The following BRMS1L variants were observed in gnomAD, a reference collection of about 807,000 sequenced individuals.
BRMS1L encodes breast cancer metastasis-suppressor 1-like protein.
Under a neutral mutation model 50.3 loss-of-function variants are expected in BRMS1L, and 23 were observed. That is an observed-to-expected ratio of 0.46 (90% CI 0.33 to 0.65). The LOEUF is 0.65. BRMS1L is among the 30% of genes least tolerant of loss of function. The probability of loss-of-function intolerance (pLI) is 0.02; values close to 1 mark genes in which losing one functional copy is unlikely to be tolerated. For missense variants in BRMS1L, 286 were observed against 386.1 expected, an observed-to-expected ratio of 0.74 and a Z score of 2.17; for synonymous variants, 114 against 126.9, an observed-to-expected ratio of 0.90 and a Z score of 0.69.
chr14:35,847,801 G>A (rs1217148321), intron 4 of BRMS1L, among the ~76,000 whole-genome samples: 4 of 152,210 alleles, frequency 2.6e-5, no homozygotes, highest in Non-Finnish European at 5.9e-5. Context: ...CCTCACACAA[G>A]TGGTATCATC....
chr14:35,829,458 A>G (rs2077890332), intron 1 of BRMS1L, among the ~76,000 whole-genome samples: 1 of 152,248 alleles, frequency 6.6e-6, no homozygotes, highest in South Asian at 2.1e-4. Flanking sequence ...TTGAACTACA[A>G]GTCAAAATTT....
intron 4 of BRMS1L, among the ~76,000 whole-genome samples, chr14:35,852,884 T>C (rs1210979561): frequency 6.6e-6 from 1 of 151,994 alleles, no homozygotes; most frequent in Non-Finnish European, 1.5e-5. Flanking sequence ...TGAGCCGAGA[T>C]AGTGTCACTG....
chr14:35,848,828 T>G (rs946114687), intron 4 of BRMS1L, among the ~76,000 whole-genome samples: 5 of 152,194 alleles, frequency 3.3e-5, no homozygotes, highest in African/African-American at 9.6e-5. Context: ...TGTGTGTATA[T>G]ATATCAATTT....
At chr14:35,864,119 T>C (rs2078389547) in intron 6 of BRMS1L, among the ~76,000 whole-genome samples, 166 bp downstream of exon 6, 1 of 152,192 alleles carries the variant, frequency 6.6e-6, no homozygotes. Flanking sequence ...ATATAGTGTA[T>C]ACTTTAGGTC....
intron 4 of BRMS1L, among the ~76,000 whole-genome samples, chr14:35,848,673 A>AT (rs544034016): frequency 5.3e-5 from 8 of 151,866 alleles, no homozygotes; most frequent in African/African-American, 7.3e-5. Flanking sequence ...TATGAGTTTG[A>AT]TTTTTTTTAG....
At chr14:35,860,327 G>A (rs548791021) in intron 4 of BRMS1L, among the ~76,000 whole-genome samples, 13 of 151,830 alleles carry the variant, frequency 8.6e-5, no homozygotes, top group Admixed American at 2.6e-4. Context: ...AGTAGACAAC[G>A]AGGTTTCACC....
At chr14:35,827,520 C>T (rs2077860932) in intron 1 of BRMS1L, among the ~76,000 whole-genome samples, 1 of 152,144 alleles carries the variant, frequency 6.6e-6, no homozygotes, top group African/African-American at 2.4e-5. Context: ...TTGATGACAG[C>T]CTAGTATCAC....
In BRMS1L at chr14:35,870,451, G is replaced by A; in HGVS notation, c.946G>A (p.Gly316Arg). The A allele has an allele frequency of 1.2e-6, 2 of 1,602,350 alleles. No individual in the cohort carries two copies. The highest frequency in any genetic ancestry group is 1.7e-6 in the Non-Finnish European group (2 of 1,173,030). The stretch of plus-strand genomic sequence containing the variant: ...GCTTTACATTTCACAGCTACAGAAA[G>A]GAAAATATTCAATTAAACATTCATA... ...SKLYISQLQK[G>R]KYSIKHS The change falls in exon 10 of 10, where the codon GGA becomes AGA. Residue 316 changes from glycine (G) to arginine (R), a missense_variant. This residue lies in a region of BRMS1L where 7 missense variants were observed against 19.2 expected (regional missense o/e 0.37). Transcript: ENST00000216807.
chr14:35,831,573 C>T, intron 2 of BRMS1L, 73 bp downstream of exon 2: 1 of 1,078,744 alleles, frequency 9.3e-7, no homozygotes, highest in Non-Finnish European at 1.4e-6. Context: ...ACAAGAGCAA[C>T]TAGATTCAGT....
At position 35,870,341 on chromosome 14, in the gene BRMS1L, C is replaced by CTTTTT; in HGVS notation, c.855-13_855-9dup. On this transcript the variant is annotated intron_variant, in intron 9 of 9. Coordinates refer to ENST00000216807, the MANE Select transcript of BRMS1L (RefSeq NM_032352.4). ...AGACATTGTAATTCATTCATTCATT[C>CTTTTT]TTTTTTTTTTCTTTTTAGTGCTGTA... 5 of 1,278,062 alleles carry CTTTTT rather than the reference C, an allele frequency of 3.9e-6. No individual in the cohort carries two copies. Among genetic ancestry groups the CTTTTT allele is most frequent in the African/African-American group, 1.5e-5 (1 of 66,006 alleles). 79.2% of individuals were successfully genotyped at this position (1,278,062 alleles called of 1,614,324 possible). A position where few individuals can be genotyped will look rare whatever the true frequency, so the allele number is the denominator to read the frequency against.
intron 4 of BRMS1L, among the ~76,000 whole-genome samples, chr14:35,857,811 A>T (rs2142058044): frequency 6.6e-6 from 1 of 151,886 alleles, no homozygotes; most frequent in East Asian, 1.9e-4. Context: ...TAAACTTTGG[A>T]ATTAATAATT....
rs981410880 is a variant in BRMS1L, at chr14:35,863,755, A to G, written c.539-115A>G. The G allele has an allele frequency of 4.8e-6, 4 of 832,998 alleles. No individual in the cohort carries two copies. The Admixed American group carries it at 1.0e-4, about 22-fold the overall frequency. 51.6% of individuals were successfully genotyped at this position (832,998 alleles called of 1,614,324 possible). A position where few individuals can be genotyped will look rare whatever the true frequency, so the allele number is the denominator to read the frequency against. ...CTTAATCTATATATACCCAGCTGCC[A>G]ATGAAGTTTTTTACGTTTTTACATG... On this transcript the variant is annotated intron_variant, in intron 5 of 9. Coordinates refer to ENST00000216807, the MANE Select transcript of BRMS1L (RefSeq NM_032352.4).
rs2142069085 is a variant in BRMS1L, at chr14:35,871,719, C to A, written c.*1242C>A. On this transcript the variant is annotated 3_prime_UTR_variant, in exon 10 of 10. Coordinates refer to ENST00000216807, the MANE Select transcript of BRMS1L (RefSeq NM_032352.4). Reference sequence around the variant, plus strand: ...TTGTTTTCTTATTATTTTACCTCTCCAAACATCTTCCTGTGCAGATCACTA... The same window carrying A: ...TTGTTTTCTTATTATTTTACCTCTCAAAACATCTTCCTGTGCAGATCACTA... The A allele has an allele frequency of 6.5e-6, 1 of 152,750 alleles. No individual in the cohort carries two copies. The highest frequency in any genetic ancestry group is 1.5e-5 in the Non-Finnish European group (1 of 68,020). The allele number at this position is 152,750 out of a possible 1,614,324, so 9.5% of individuals were successfully genotyped here. A position where few individuals can be genotyped will look rare whatever the true frequency, so the allele number is the denominator to read the frequency against.
intron 4 of BRMS1L, among the ~76,000 whole-genome samples, chr14:35,862,094 T>G (rs1387170124): frequency 6.6e-6 from 1 of 152,178 alleles, no homozygotes; most frequent in African/African-American, 2.4e-5. Flanking sequence ...ATAATTGAAT[T>G]ATTTTAAATA....
chr14:35,865,454 A>C (rs569657149), intron 7 of BRMS1L, among the ~76,000 whole-genome samples: 1 of 152,256 alleles, frequency 6.6e-6, no homozygotes, highest in Non-Finnish European at 1.5e-5. Flanking sequence ...CTTGTTTTCC[A>C]TATTACATTT....
chr14:35,868,739 T>C (rs936907127), intron 9 of BRMS1L, among the ~76,000 whole-genome samples: 6 of 152,124 alleles, frequency 3.9e-5, no homozygotes, highest in Admixed American at 2.0e-4. Context: ...CACCACACCA[T>C]TGTACTCCAG....
At chr14:35,839,874 C>T (rs571003709) in intron 4 of BRMS1L, among the ~76,000 whole-genome samples, 1 of 152,224 alleles carries the variant, frequency 6.6e-6, no homozygotes, top group Admixed American at 6.5e-5. Context: ...TTTCTCTTGC[C>T]GGATTGCCCT....
At chr14:35,849,339 G>A (rs1355832638) in intron 4 of BRMS1L, among the ~76,000 whole-genome samples, 4 of 152,162 alleles carry the variant, frequency 2.6e-5, no homozygotes, top group Non-Finnish European at 5.9e-5. Context: ...CTAGGCTGGA[G>A]GGCAGTGACA....
rs538964527 is a variant in BRMS1L at position 35,830,226 on chromosome 14, C to T, written c.143-1184C>T. Among the ~76,000 whole-genome samples, 9 of 152,270 alleles carry T rather than the reference C, an allele frequency of 5.9e-5. No homozygotes were observed. The East Asian group carries it at 1.4e-3, about 23-fold the overall frequency. On this transcript the variant is annotated intron_variant, in intron 1 of 9. Transcript: ENST00000216807. ...CTGGGATTACAGGCATGTGCCACCACGCCCAGCTAATTTTGTATTTTTAGT... is the reference window on the plus strand; with the variant it reads ...CTGGGATTACAGGCATGTGCCACCATGCCCAGCTAATTTTGTATTTTTAGT...
Sources: allele counts gnomAD v4.1 joint callset (sites outside exome capture counted in the v4.1 genomes callset), GRCh38; gene constraint gnomAD v4.1.1; regional missense constraint gnomAD v4.1.1; transcripts MANE v1.5; gene names NCBI Gene and HGNC (gene_info 2026-07-23, HGNC 2026-07-21).